The following SLC13A2 variants were observed in gnomAD, a reference collection of about 807,000 sequenced individuals.
SLC13A2 encodes the protein Na(+)-coupled citrate transporter.
In SLC13A2, 40 loss-of-function variants were observed where a neutral mutation model predicts 58.5. That is an observed-to-expected ratio of 0.68 (90% confidence interval 0.53 to 0.89). SLC13A2 has a LOEUF of 0.89. Among genes scored for constraint, SLC13A2 ranks in the 40% least tolerant of loss-of-function variants. The pLI is 0.00. For missense variants in SLC13A2, 694 were observed against 772.6 expected (o/e 0.90, Z 1.21); for synonymous variants, 341 against 331.6 (o/e 1.03, Z -0.31).
chr17:28,479,790 C>T lies in SLC13A2; in HGVS notation c.102+5976C>T, dbSNP rs544692096. Among the ~76,000 whole-genome samples the T allele has an allele frequency of 3.3e-5, 5 of 152,210 alleles. No individual in the cohort carries two copies. In the South Asian group the frequency reaches 8.3e-4, roughly 25 times the overall value. ...ACTCTTGCACTTTGGGAGGCCAGTG[C>T]AGGAGGGTGGCTCGAGTTCAGGAGT... On this transcript the variant is annotated intron_variant, in intron 1 of 11. Coordinates refer to ENST00000314669, the MANE Select transcript of SLC13A2 (RefSeq NM_003984.4).
chr17:28,497,043 C>T, intron 11 of SLC13A2, 56 bp from the exon 12 acceptor site: 1 of 1,572,566 alleles, frequency 6.4e-7, no homozygotes, highest in Non-Finnish European at 8.7e-7. Flanking sequence ...CACCTGGGGA[C>T]TTGGGGGCAG....
In SLC13A2 at chr17:28,496,405, G is replaced by A; in HGVS notation, c.1471-45G>A. 6.4e-7 allele frequency: 1 copy of A among 1,556,004 alleles called. No individual in the cohort carries two copies. The highest frequency in any genetic ancestry group is 1.2e-5 in the South Asian group (1 of 83,880). On this transcript the variant is annotated intron_variant, in intron 10 of 11. Transcript: ENST00000314669. This position sits in a 1 kb window ranked among gnomAD's most constrained non-coding sequence, Gnocchi z 4.2. ...ATTGGGGGCCATGCCCCTCCCTCTG[G>A]CTTGGGGACCAAGTTCAGCTCTGCG...
At position 28,497,339 on chromosome 17, in the gene SLC13A2, A is replaced by T. The variant is rs1483567100; in HGVS notation, c.*70A>T. On this transcript the variant is annotated 3_prime_UTR_variant, in exon 12 of 12. Transcript: ENST00000314669. ...CCACTCCTCTGAGCCCGGAGGGGACACCCCAAGCTCCAAGCTCCAAGCTCC... is the reference window on the plus strand; with the variant it reads ...CCACTCCTCTGAGCCCGGAGGGGACTCCCCAAGCTCCAAGCTCCAAGCTCC... 1.3e-6 allele frequency: 2 copies of T among 1,522,524 alleles called. No individual in the cohort carries two copies. Among genetic ancestry groups the T allele is most frequent in the East Asian group, 4.5e-5 (2 of 43,996 alleles). 94.3% of individuals were successfully genotyped at this position (1,522,524 alleles called of 1,614,324 possible). A position where few individuals can be genotyped will look rare whatever the true frequency, so the allele number is the denominator to read the frequency against.
rs2069126216 is a variant in SLC13A2, at chr17:28,495,694, C to T, written c.1348C>T (p.Pro450Ser). 6.2e-7 allele frequency: 1 copy of T among 1,611,986 alleles called. No individual in the cohort carries two copies. Among genetic ancestry groups the T allele is most frequent in the African/African-American group, 1.3e-5 (1 of 74,918 alleles). ...LSEWLGNKLT[P>S]LQSVPAPAIA... ...AGAGTGGCTGGGAAACAAGCTGACC[C>T]CACTGCAGAGTGTGCCAGCTCCAGC... The change falls in exon 10 of 12, where the codon CCA becomes TCA. Residue 450 changes from proline (P) to serine (S), a missense_variant. By Grantham distance (74) the Pro-to-Ser change is moderately conservative. Transcript: ENST00000314669.
Position 28,496,317 on chromosome 17 carries a change from AG to A in SLC13A2, c.1471-131del, listed in dbSNP as rs1406754957. ...GTCACCCAGTGCCTTCTGGGAGAAG[AG>A]GTGGGCTCATGACCAGAGAGTGTAT... On this transcript the variant is annotated intron_variant, in intron 10 of 11. Transcript: ENST00000314669. This position sits in a 1 kb window ranked among gnomAD's most constrained non-coding sequence, Gnocchi z 4.2. 2.5e-6 allele frequency: 3 copies of A among 1,188,144 alleles called. No individual in the cohort carries two copies. The highest frequency in any genetic ancestry group is 2.6e-5 in the Admixed American group (1 of 38,396). The allele number at this position is 1,188,144 out of a possible 1,614,324, so 73.6% of individuals were successfully genotyped here.
At chr17:28,489,501 G>A (rs1363801283) in intron 2 of SLC13A2, among the ~76,000 whole-genome samples, 159 bp downstream of exon 2, 2 of 152,178 alleles carry the variant, frequency 1.3e-5, no homozygotes, top group Non-Finnish European at 2.9e-5. Flanking sequence ...AGAAGGCTGC[G>A]GGCTGGGGTG....
chr17:28,489,102 C>A, intron 1 of SLC13A2, 112 bp from the exon 2 acceptor site: 2 of 1,270,786 alleles, frequency 1.6e-6, no homozygotes, highest in Non-Finnish European at 2.2e-6. Context: ...GTGGGTTTCA[C>A]AGGCTCTCCC....
Position 28,490,425 on chromosome 17 carries a change from C to T in SLC13A2, c.232-29C>T, listed in dbSNP as rs200253633. 312 of 1,614,054 alleles carry T rather than the reference C, an allele frequency of 1.9e-4. 1 individual carries two copies. Among genetic ancestry groups the T allele is most frequent in the South Asian group, 1.9e-3 (174 of 91,054 alleles). Reference sequence around the variant, plus strand: ...ACCGTGGGAGACTCCAGGGTCTTCCCGCCGCTCAGCCATGTCTCCACCTGC... The same window carrying T: ...ACCGTGGGAGACTCCAGGGTCTTCCTGCCGCTCAGCCATGTCTCCACCTGC... On this transcript the variant is annotated intron_variant, in intron 2 of 11. Coordinates refer to ENST00000314669, the MANE Select transcript of SLC13A2 (RefSeq NM_003984.4).
chr17:28,490,045 G>A (rs781875441), intron 2 of SLC13A2, among the ~76,000 whole-genome samples: 6 of 152,190 alleles, frequency 3.9e-5, no homozygotes, highest in African/African-American at 9.7e-5. Flanking sequence ...GGGCCAAGGC[G>A]GGTGGATCAC....
intron 2 of SLC13A2, among the ~76,000 whole-genome samples, 162 bp downstream of exon 2, chr17:28,489,504 C>A (rs782312787): frequency 2.6e-5 from 4 of 152,084 alleles, no homozygotes; most frequent in Admixed American, 6.5e-5. Flanking sequence ...AGGCTGCGGG[C>A]TGGGGTGGGG....
chr17:28,484,031 ATGCC>A (rs1298694567), intron 1 of SLC13A2, among the ~76,000 whole-genome samples: 5 of 152,258 alleles, frequency 3.3e-5, no homozygotes, highest in African/African-American at 1.2e-4. Context: ...GGCCTGACTG[ATGCC>A]TGTACCCCTA....
chr17:28,479,881 G>A (rs1323119477), intron 1 of SLC13A2, among the ~76,000 whole-genome samples: 1 of 152,140 alleles, frequency 6.6e-6, no homozygotes, highest in East Asian at 1.9e-4. Flanking sequence ...TTGGCTGGGC[G>A]CAATGGCTCA....
In SLC13A2 at chr17:28,494,811, G is replaced by A. The variant is rs1343067517; in HGVS notation, c.1308+299G>A. 2.6e-5 allele frequency among the ~76,000 whole-genome samples: 4 copies of A among 152,088 alleles called. No homozygotes were observed. The highest frequency in any genetic ancestry group is 1.9e-4 in the East Asian group (1 of 5,180). Reference sequence around the variant, plus strand: ...GCCATCCCACCCCAGCCCTTTGCCCGCTGCCAGAGCACACAGTAGCATCAG... The same window carrying A: ...GCCATCCCACCCCAGCCCTTTGCCCACTGCCAGAGCACACAGTAGCATCAG... On this transcript the variant is annotated intron_variant, in intron 9 of 11. Coordinates refer to ENST00000314669, the MANE Select transcript of SLC13A2 (RefSeq NM_003984.4). The surrounding 1 kb of genome is among the most constrained non-coding windows in gnomAD (Gnocchi z 4.0).
Position 28,495,649 on chromosome 17 carries a change from C to T in SLC13A2, c.1309-6C>T, listed in dbSNP as rs1370475526. 5.6e-6 allele frequency: 9 copies of T among 1,607,554 alleles called. No homozygotes were observed. Among genetic ancestry groups the T allele is most frequent in the Non-Finnish European group, 7.6e-6 (9 of 1,179,454 alleles). ...CCTCTCACATGCCATCCTCCTCTGC[C>T]CACAGCGATCGGGCCTGTCAGAGTG... On this transcript the variant is annotated splice_polypyrimidine_tract_variant and splice_region_variant and intron_variant, in intron 9 of 11. Transcript: ENST00000314669.
At chr17:28,475,947 A>G (rs1432692341) in intron 1 of SLC13A2, among the ~76,000 whole-genome samples, 3 of 152,122 alleles carry the variant, frequency 2.0e-5, no homozygotes, top group African/African-American at 7.2e-5. Flanking sequence ...CTAAACTCTA[A>G]ACTGGTATTA....
intron 1 of SLC13A2, among the ~76,000 whole-genome samples, chr17:28,479,513 G>C (rs1445718069): frequency 2.0e-5 from 3 of 152,174 alleles, no homozygotes; most frequent in Non-Finnish European, 4.4e-5. Context: ...CTCAGGGGTT[G>C]TTCAGCTAGT....
Position 28,493,552 on chromosome 17 carries a change from C to A in SLC13A2, c.879-19C>A. ...CTGGAGCAGGCCCCCCACGAGCTGC[C>A]CCGTCCCTCTGCCTGCAGCTTCCGG... On this transcript the variant is annotated intron_variant, in intron 6 of 11. Coordinates refer to ENST00000314669, the MANE Select transcript of SLC13A2 (RefSeq NM_003984.4). 6.3e-7 allele frequency: 1 copy of A among 1,585,180 alleles called. No individual in the cohort carries two copies. Among genetic ancestry groups the A allele is most frequent in the Admixed American group, 1.7e-5 (1 of 58,452 alleles).
chr17:28,495,678 G>T lies in SLC13A2; in HGVS notation c.1332G>T (p.Leu444=). Residue 444 remains leucine, a synonymous_variant, in exon 10 of 12, where the codon CTG becomes CTT. Transcript: ENST00000314669. ...AGCGATCGGGCCTGTCAGAGTGGCT[G>T]GGAAACAAGCTGACCCCACTGCAGA... ...GSERSGLSEW[L]GNKLTPLQSV... 3.7e-6 allele frequency: 6 copies of T among 1,611,354 alleles called. No homozygotes were observed. The highest frequency in any genetic ancestry group is 5.1e-6 in the Non-Finnish European group (6 of 1,179,880).
At chr17:28,491,891 C>A in intron 6 of SLC13A2, 39 bp downstream of exon 6, 1 of 1,600,792 alleles carries the variant, frequency 6.2e-7, no homozygotes, top group Non-Finnish European at 8.5e-7. Context: ...CAGGTCCCTG[C>A]CCTTAGCCCT....
Sources: allele counts gnomAD v4.1 joint callset (sites outside exome capture counted in the v4.1 genomes callset), GRCh38; gene constraint gnomAD v4.1.1; non-coding constraint Gnocchi (gnomAD v3.1); transcripts MANE v1.5; gene names NCBI Gene and HGNC (gene_info 2026-07-23, HGNC 2026-07-21).